The following NBPF12 variants were observed in gnomAD, a reference collection of about 807,000 sequenced individuals.
NBPF12 encodes NBPF member 12.
Under a neutral mutation model 146.4 loss-of-function variants are expected in NBPF12, and 115 were observed. The ratio of observed to expected loss-of-function variants is 0.79; its 90% confidence interval spans 0.68 to 0.92. The LOEUF is 0.92. Among genes scored for constraint, NBPF12 ranks in the 40% least tolerant of loss-of-function variants. NBPF12 has a pLI of 0.00. For synonymous variants in NBPF12, 385 were observed against 508.9 expected (o/e 0.76, Z 3.28); for missense variants, 1,205 against 1,326.8 (o/e 0.91, Z 1.43).
At chr1:146,995,161 A>G (rs1553890345) in exon 34 of NBPF12, 1 of 131,156 alleles carries the variant, frequency 7.6e-6, no homozygotes, top group East Asian at 2.4e-4. Context: ...ACTTAGGAAG[A>G]CCACAGCTAG....
At chr1:146,981,277 TAAAAAAAAAAAA>T (rs878971787) in intron 19 of NBPF12, among the ~76,000 whole-genome samples, 1 of 101,282 alleles carries the variant, frequency 9.9e-6, no homozygotes, top group Admixed American at 1.2e-4. Context: ...CTTAAAGTAT[TAAAAAAAAAAAA>T]AAAAAATATA....
chr1:146,958,315 A>T (rs1179941740), intron 2 of NBPF12, among the ~76,000 whole-genome samples: 1 of 133,330 alleles, frequency 7.5e-6, no homozygotes, highest in Non-Finnish European at 1.6e-5. Context: ...AAGTAAAACG[A>T]TTTTGAGTGA....
chr1:146,941,723 C>G (rs1654811626), intron 1 of NBPF12, among the ~76,000 whole-genome samples: 1 of 138,960 alleles, frequency 7.2e-6, no homozygotes, highest in African/African-American at 2.7e-5. Flanking sequence ...TACTGTACTC[C>G]AGCCTGGTTG....
intron 19 of NBPF12, among the ~76,000 whole-genome samples, chr1:146,980,122 G>A (rs1412542287): frequency 6.6e-6 from 1 of 151,774 alleles, no homozygotes; most frequent in Non-Finnish European, 1.5e-5. Context: ...TTTTATCAGA[G>A]ACTAGGATTG....
At chr1:146,976,282 C>T (rs1657008620) in intron 16 of NBPF12, among the ~76,000 whole-genome samples, 1 of 150,524 alleles carries the variant, frequency 6.6e-6, no homozygotes, top group Non-Finnish European at 1.5e-5. Context: ...CTTGTCCTTC[C>T]TGAGTTTCTC....
chr1:146,956,194 C>G (rs1225382975), intron 2 of NBPF12, among the ~76,000 whole-genome samples: 1 of 151,586 alleles, frequency 6.6e-6, no homozygotes, highest in Non-Finnish European at 1.5e-5. Flanking sequence ...GAATACTACT[C>G]AGTCTTTACA....
At chr1:146,994,251 T>C in intron 33 of NBPF12, 81 bp from the exon 37 acceptor site, 4 of 1,610,286 alleles carry the variant, frequency 2.5e-6, no homozygotes, top group East Asian at 2.2e-5. Context: ...ACCACTTCCT[T>C]ATGTTACTTC....
In NBPF12 at chr1:146,959,171, T is replaced by A. The variant is rs1382817068; in HGVS notation, c.-183-688T>A. On this transcript the variant is annotated intron_variant, in intron 2 of 33. Coordinates refer to ENST00000617844, the Ensembl canonical transcript of NBPF12. ...AATCAAACAAATTAGTGGCATATAT[T>A]CCCACCTGAGTAAAGAGAAGTCGGC... 3.8e-4 allele frequency among the ~76,000 whole-genome samples: 38 copies of A among 99,794 alleles called. 1 individual carries two copies. Among genetic ancestry groups the A allele is most frequent in the East Asian group, 2.4e-3 (5 of 2,048 alleles). 65.5% of individuals were successfully genotyped at this position (99,794 alleles called of 152,430 possible).
chr1:146,941,830 A>G (rs1654821941), intron 1 of NBPF12, among the ~76,000 whole-genome samples: 3 of 147,424 alleles, frequency 2.0e-5, no homozygotes, highest in South Asian at 2.1e-4. Flanking sequence ...ACACTTTTCT[A>G]TATTAACCTT....
At chr1:146,963,027 T>C (rs1226823451) in intron 5 of NBPF12, 68 bp from the exon 9 acceptor site, 5 of 1,580,692 alleles carry the variant, frequency 3.2e-6, no homozygotes, top group Admixed American at 3.3e-5. Context: ...CAGAAATCTC[T>C]GTTGCAATAT....
intron 11 of NBPF12, among the ~76,000 whole-genome samples, chr1:146,969,923 G>A (rs1656476074): frequency 6.6e-6 from 1 of 150,920 alleles, no homozygotes; most frequent in Non-Finnish European, 1.5e-5. Context: ...AAGAATGAAG[G>A]TTCCCAGGCT....
At chr1:146,940,650 G>C (rs1211603357) in intron 1 of NBPF12, among the ~76,000 whole-genome samples, 1 of 151,742 alleles carries the variant, frequency 6.6e-6, no homozygotes, top group Non-Finnish European at 1.5e-5. Flanking sequence ...TATATATGTA[G>C]AAGTGGCATT....
At chr1:146,941,754 G>A (rs1206584930) in intron 1 of NBPF12, among the ~76,000 whole-genome samples, 16 of 93,794 alleles carry the variant, frequency 1.7e-4, no homozygotes, top group Admixed American at 1.4e-3. Flanking sequence ...ACTCTGTCTT[G>A]TACCAAAAAA....
At chr1:146,939,841 G>A (rs1329559809) in intron 1 of NBPF12, among the ~76,000 whole-genome samples, 1 of 151,828 alleles carries the variant, frequency 6.6e-6, no homozygotes, top group Non-Finnish European at 1.5e-5. Flanking sequence ...AAATTAGCCG[G>A]GAGTGGTGGC....
In NBPF12 at chr1:146,965,663, G is replaced by A. The variant is rs1372294259; in HGVS notation, c.778+559G>A. Reference sequence around the variant, plus strand: ...AAAAATTAGCTGGGCGCGGTGGTGGGCACCTGTAGTCCCAGCTACTCAGGA... The same window carrying A: ...AAAAATTAGCTGGGCGCGGTGGTGGACACCTGTAGTCCCAGCTACTCAGGA... On this transcript the variant is annotated intron_variant, in intron 8 of 33. Transcript: ENST00000617844. 4.0e-5 allele frequency among the ~76,000 whole-genome samples: 6 copies of A among 149,814 alleles called. No individual in the cohort carries two copies. In the South Asian group the frequency reaches 8.5e-4, roughly 21 times the overall value.
chr1:146,984,564 G>A (rs1553888356), intron 21 of NBPF12, among the ~76,000 whole-genome samples: 1 of 145,358 alleles, frequency 6.9e-6, no homozygotes, highest in Non-Finnish European at 1.5e-5. Flanking sequence ...CCGGCCAATT[G>A]ACTGAGCTCA....
chr1:146,971,151 T>A, intron 12 of NBPF12, 32 bp from the exon 16 acceptor site: 1 of 1,610,484 alleles, frequency 6.2e-7, no homozygotes, highest in Non-Finnish European at 8.5e-7. Context: ...GTGTTTAATC[T>A]TCTGTCATCT....
intron 29 of NBPF12, among the ~76,000 whole-genome samples, chr1:146,990,783 TG>T (rs1159965483): frequency 8.8e-6 from 1 of 113,004 alleles, no homozygotes; most frequent in African/African-American, 3.8e-5. Flanking sequence ...GGAAAATTAT[TG>T]AGCCCACTGT....
At chr1:146,980,121 A>G (rs1657275853) in intron 19 of NBPF12, among the ~76,000 whole-genome samples, 1 of 151,698 alleles carries the variant, frequency 6.6e-6, no homozygotes, top group African/African-American at 2.4e-5. Context: ...GTTTTATCAG[A>G]GACTAGGATT....
Sources: gnomAD v4.1 joint callset for allele counts (sites outside exome capture counted in the v4.1 genomes callset) on GRCh38, gnomAD v4.1.1 for gene constraint, MANE v1.5 for transcripts, NCBI Gene and HGNC (gene_info 2026-07-23, HGNC 2026-07-21) for gene names.